CCDC171: variants seen among roughly 807,000 people sequenced by gnomAD.
CCDC171 encodes the protein coiled-coil domain containing 171.
A neutral mutation model predicts 168.2 loss-of-function variants in CCDC171; 177 were observed. The observed-to-expected ratio is 1.05, with a 90% CI of 0.93 to 1.19. The LOEUF (loss-of-function observed/expected upper bound fraction) is 1.19. Among genes scored for constraint, CCDC171 ranks in the 50% most tolerant of loss-of-function variants. The probability of loss-of-function intolerance (pLI) is 0.00; values close to 1 mark genes in which losing one functional copy is unlikely to be tolerated. For missense variants in CCDC171, 1,991 were observed against 1,539.0 expected (o/e 1.29, Z -4.91); for synonymous variants, 687 against 540.8 (o/e 1.27, Z -3.75).
At chr9:15,920,233 A>G (rs1174568686) in intron 24 of CCDC171, 37 bp from the exon 25 acceptor site, 2 of 1,330,706 alleles carry the variant, frequency 1.5e-6, no homozygotes, top group Non-Finnish European at 2.0e-6. Context: ...GGACATATTT[A>G]TTTGAATTAT....
chr9:15,782,483 G>A (rs1002748611), intron 20 of CCDC171, among the ~76,000 whole-genome samples: 2 of 152,150 alleles, frequency 1.3e-5, no homozygotes, highest in Non-Finnish European at 2.9e-5. Context: ...TGAGTTTTTA[G>A]GTAAAGGGGA....
intron 3 of CCDC171, among the ~76,000 whole-genome samples, chr9:16,015,946 T>C (rs950253968): frequency 2.0e-5 from 3 of 152,228 alleles, no homozygotes; most frequent in African/African-American, 7.2e-5. Flanking sequence ...TGTATCCAAA[T>C]TTCATTTATT....
upstream of CCDC171, among the ~76,000 whole-genome samples, chr9:16,040,678 GC>G (rs1400186179): frequency 1.3e-5 from 2 of 152,190 alleles, no homozygotes; most frequent in Non-Finnish European, 2.9e-5. Flanking sequence ...TATAGGGAAT[GC>G]CTTGTTTTCT....
chr9:15,701,801 G>A (rs1481248603), intron 11 of CCDC171, among the ~76,000 whole-genome samples: 4 of 152,060 alleles, frequency 2.6e-5, no homozygotes, highest in South Asian at 2.1e-4. Context: ...AGTCATCCAC[G>A]AGGATTGGAA....
At chr9:16,055,597 A>C (rs1833827100) in intron 1 of CCDC171, among the ~76,000 whole-genome samples, 1 of 152,206 alleles carries the variant, frequency 6.6e-6, no homozygotes, top group African/African-American at 2.4e-5. Flanking sequence ...GAAGGCTCTG[A>C]GAGGGCATAA....
chr9:15,790,842 A>G (rs2135583842), intron 21 of CCDC171, among the ~76,000 whole-genome samples: 1 of 152,340 alleles, frequency 6.6e-6, no homozygotes, highest in Admixed American at 6.5e-5. Flanking sequence ...AGCACCATTT[A>G]TTAAACAGGG....
intron 6 of CCDC171, among the ~76,000 whole-genome samples, chr9:15,603,006 G>A (rs908458453): frequency 6.6e-6 from 1 of 151,738 alleles, no homozygotes; most frequent in Non-Finnish European, 1.5e-5. Flanking sequence ...TTTTGAGACG[G>A]AGTCTCACTC....
chr9:15,730,343 T>C (rs1287352792), intron 16 of CCDC171, among the ~76,000 whole-genome samples: 2 of 151,906 alleles, frequency 1.3e-5, no homozygotes, highest in East Asian at 1.9e-4. Context: ...TATATCTTGA[T>C]TGAGAGTAGA....
At chr9:15,907,871 A>G (rs1822951598) in intron 24 of CCDC171, among the ~76,000 whole-genome samples, 1 of 152,274 alleles carries the variant, frequency 6.6e-6, no homozygotes, top group Non-Finnish European at 1.5e-5. Context: ...TCTCAAAAGG[A>G]GACACTTATG....
chr9:16,036,638 C>T lies in CCDC171; in HGVS notation n.1181+432C>T, dbSNP rs142329362. ...CAGCCTGGGCCACAGAGCGAGACTC[C>T]GTCTCAAAACAAACAAACAAGCAAA... On this transcript the variant is annotated intron_variant and non_coding_transcript_variant, in intron 8 of 9. Coordinates refer to the CCDC171 transcript ENST00000486641. 8.9e-3 allele frequency among the ~76,000 whole-genome samples: 1,361 copies of T among 152,220 alleles called. 22 individuals are homozygous for T. Among genetic ancestry groups the T allele is most frequent in the African/African-American group, 0.031 (1,294 of 41,536 alleles).
At chr9:15,860,936 ATGTGTGTGTGTGTGTG>A (rs770617574) in intron 23 of CCDC171, among the ~76,000 whole-genome samples, 9 of 144,260 alleles carry the variant, frequency 6.2e-5, no homozygotes, top group Admixed American at 5.5e-4. Context: ...GTTGTTAGGG[ATGTGTGTGTGTGTGTG>A]TGTGTGTGTG....
chr9:16,017,334 C>G (rs1440408625), intron 3 of CCDC171, among the ~76,000 whole-genome samples: 1 of 152,004 alleles, frequency 6.6e-6, no homozygotes, highest in African/African-American at 2.4e-5. Flanking sequence ...TTTAAAAACT[C>G]AGTAGAATCA....
In CCDC171 at chr9:15,857,790, T is replaced by C. The variant is rs533901332; in HGVS notation, c.3468+8843T>C. Among the ~76,000 whole-genome samples, 88 of 152,004 alleles carry C rather than the reference T, an allele frequency of 5.8e-4. 1 individual carries two copies. Among genetic ancestry groups the C allele is most frequent in the African/African-American group, 2.0e-3 (81 of 41,450 alleles). On this transcript the variant is annotated intron_variant, in intron 23 of 25. Coordinates refer to ENST00000380701, the MANE Select transcript of CCDC171 (RefSeq NM_173550.4). ...CTCTTTGTTGAAGGAAACTATCCTT[T>C]CCCCATTGTGTCTTCTTTGCACTCT...
At chr9:15,604,393 C>T (rs935143977) in intron 6 of CCDC171, among the ~76,000 whole-genome samples, 1 of 152,146 alleles carries the variant, frequency 6.6e-6, no homozygotes, top group African/African-American at 2.4e-5. Flanking sequence ...CATGCCCCTC[C>T]TTTGTTATTT....
intron 18 of CCDC171, among the ~76,000 whole-genome samples, chr9:15,762,657 A>G (rs1224563084): frequency 6.6e-6 from 1 of 152,198 alleles, no homozygotes; most frequent in Non-Finnish European, 1.5e-5. Flanking sequence ...AGCCAAATGT[A>G]TTGTGATACA....
At chr9:15,612,567 C>G (rs905199830) in intron 6 of CCDC171, among the ~76,000 whole-genome samples, 1 of 151,998 alleles carries the variant, frequency 6.6e-6, no homozygotes. Context: ...CTGGTTTTAC[C>G]AAATGTTTTT....
In CCDC171 at chr9:15,657,115, A is replaced by G. The variant is rs1419529733; in HGVS notation, c.823-12A>G. The G allele has an allele frequency of 1.3e-6, 2 of 1,515,570 alleles. No individual in the cohort carries two copies. Among genetic ancestry groups the G allele is most frequent in the East Asian group, 2.3e-5 (1 of 44,194 alleles). The allele number at this position is 1,515,570 out of a possible 1,614,324, so 93.9% of individuals were successfully genotyped here. ...CAATGTTTATGAATTTAAACTTTTA[A>G]TTTGTTTTCAGGCAACTACTCTAAG... On this transcript the variant is annotated splice_polypyrimidine_tract_variant and intron_variant, in intron 7 of 25. Transcript: ENST00000380701.
At chr9:15,730,809 A>G (rs982707829) in intron 16 of CCDC171, among the ~76,000 whole-genome samples, 6 of 152,028 alleles carry the variant, frequency 3.9e-5, no homozygotes, top group African/African-American at 1.4e-4. Context: ...GCAGATTACT[A>G]TATTATATGC....
Position 15,688,723 on chromosome 9 carries a change from T to C in CCDC171, c.1216-6512T>C, listed in dbSNP as rs927334323. 1.3e-4 allele frequency among the ~76,000 whole-genome samples: 20 copies of C among 152,254 alleles called. No individual in the cohort carries two copies. In the South Asian group the frequency reaches 2.5e-3, roughly 19 times the overall value. On this transcript the variant is annotated intron_variant, in intron 10 of 25. Transcript: ENST00000380701. Reference sequence around the variant, plus strand: ...CCTCCTCAACCTCAAGAAGAGCATCTATAGAAAACCTACATCTGACATTAC... The same window carrying C: ...CCTCCTCAACCTCAAGAAGAGCATCCATAGAAAACCTACATCTGACATTAC...
Sources: gnomAD v4.1 joint callset for allele counts (sites outside exome capture counted in the v4.1 genomes callset) on GRCh38, gnomAD v4.1.1 for gene constraint, MANE v1.5 for transcripts, NCBI Gene and HGNC (gene_info 2026-07-23, HGNC 2026-07-21) for gene names.